Variants in TMEM132B observed in about 807,000 individuals in gnomAD.
TMEM132B encodes the protein transmembrane protein 132B.
A neutral mutation model predicts 90.8 loss-of-function variants in TMEM132B; 18 were observed. That is an observed-to-expected ratio of 0.20 (90% confidence interval 0.14 to 0.29). The LOEUF is 0.29. Among genes scored for constraint, TMEM132B ranks in the 10% least tolerant of loss-of-function variants. The pLI is 1.00. For missense variants in TMEM132B, 1,096 were observed against 1,326.8 expected, an observed-to-expected ratio of 0.83 and a Z score of 2.70; for synonymous variants, 504 against 523.3, an observed-to-expected ratio of 0.96 and a Z score of 0.50.
intron 1 of TMEM132B, among the ~76,000 whole-genome samples, chr12:125,343,593 G>A (rs1412435183): frequency 2.0e-5 from 3 of 152,198 alleles, no homozygotes; most frequent in Admixed American, 6.5e-5. Flanking sequence ...GAATTCTAAC[G>A]TTGACCATGT....
intron 1 of TMEM132B, among the ~76,000 whole-genome samples, chr12:125,211,650 C>T (rs1873321641): frequency 6.6e-6 from 1 of 152,238 alleles, no homozygotes; most frequent in Admixed American, 6.5e-5. Flanking sequence ...GCAGCATGCA[C>T]ATTGCGACCG....
intron 1 of TMEM132B, among the ~76,000 whole-genome samples, chr12:125,309,685 C>A (rs187724400): frequency 6.6e-6 from 1 of 152,152 alleles, no homozygotes; most frequent in African/African-American, 2.4e-5. Context: ...TCTGGCTGAG[C>A]CCTCAAGGAA....
At chr12:125,194,272 G>T in intron 1 of TMEM132B, among the ~76,000 whole-genome samples, 1 of 143,168 alleles carries the variant, frequency 7.0e-6, no homozygotes, top group East Asian at 1.9e-4. Flanking sequence ...ACCCGTTGGT[G>T]GGGGGGTCTT....
chr12:125,281,894 G>A (rs4765241), intron 1 of TMEM132B, among the ~76,000 whole-genome samples: 19,225 of 151,400 alleles, frequency 0.13, 1,338 homozygotes, highest in African/African-American at 0.17. Flanking sequence ...CGGGCGAGGT[G>A]GCAGGCGCCT....
chr12:125,369,839 A>G (rs1311600351), intron 2 of TMEM132B, among the ~76,000 whole-genome samples: 1 of 152,212 alleles, frequency 6.6e-6, no homozygotes, highest in Non-Finnish European at 1.5e-5. Flanking sequence ...ACCTGAGGTC[A>G]GGAGTTCGAG....
intron 5 of TMEM132B, among the ~76,000 whole-genome samples, chr12:125,606,075 T>G (rs898564871): frequency 1.3e-5 from 2 of 152,184 alleles, no homozygotes; most frequent in Non-Finnish European, 2.9e-5. Context: ...TGTCGTATAT[T>G]TTGCTGAAAT....
chr12:125,622,767 A>G (rs565101884), intron 5 of TMEM132B: 11 of 674,990 alleles, frequency 1.6e-5, no homozygotes, highest in Non-Finnish European at 1.8e-5. Context: ...CATCATTTGT[A>G]TTTACTTTTC....
chr12:125,219,975 C>T (rs1208851909), intron 1 of TMEM132B, among the ~76,000 whole-genome samples: 4 of 152,278 alleles, frequency 2.6e-5, no homozygotes, highest in South Asian at 2.1e-4. Flanking sequence ...CAGTATTTGC[C>T]GTAAGTATTT....
intron 1 of TMEM132B, among the ~76,000 whole-genome samples, chr12:125,321,681 C>T (rs326391): frequency 0.74 from 112,124 of 151,806 alleles, 42,553 homozygotes; most frequent in African/African-American, 0.9. Flanking sequence ...TTTCACTATG[C>T]TGGTCAGGCT....
rs747058215 is a variant in TMEM132B, at chr12:125,644,140, T to C, written c.1502T>C (p.Ile501Thr). ...GKEMKSKVDTIVNFTHQHFTS... is the reference protein window; with the variant it reads ...GKEMKSKVDTTVNFTHQHFTS... ...GAAATGAAGAGCAAAGTGGACACGA[T>C]TGTGAACTTCACCCACCAGCACTTC... is the stretch of plus-strand genomic sequence containing the variant. Residue 501 changes from isoleucine (I) to threonine (T), a missense_variant, in exon 6 of 9, where the codon ATT (isoleucine) becomes ACT (threonine). Transcript: ENST00000682704. 1.2e-6 allele frequency: 2 copies of C among 1,614,194 alleles called. No homozygotes were observed. Among genetic ancestry groups the C allele is most frequent in the Non-Finnish European group, 1.7e-6 (2 of 1,180,036 alleles).
chr12:125,491,872 C>T lies in TMEM132B; in HGVS notation c.1107-27567C>T, dbSNP rs375445601. Among the ~76,000 whole-genome samples the T allele has an allele frequency of 1.7e-3, 262 of 152,278 alleles. 2 individuals carry two copies. Among genetic ancestry groups the T allele is most frequent in the African/African-American group, 6.1e-3 (254 of 41,548 alleles). On this transcript the variant is annotated intron_variant, in intron 3 of 8. Transcript: ENST00000682704. ...ATTTCTTTTGTGCTTTTACCTGAGG[C>T]CACTTTGGATGAAATAAACACAATA...
intron 1 of TMEM132B, among the ~76,000 whole-genome samples, chr12:125,211,091 A>C (rs559062162): frequency 7.4e-4 from 113 of 151,700 alleles, no homozygotes; most frequent in African/African-American, 2.6e-3. Context: ...TGTGAAAACA[A>C]GGGGATTATT....
In TMEM132B at chr12:125,544,415, T is replaced by C. The variant is rs569751502; in HGVS notation, c.1293+24790T>C. On this transcript the variant is annotated intron_variant, in intron 4 of 8. Transcript: ENST00000682704. Reference sequence around the variant, plus strand: ...GGAATAATCACTGCGTCCAGGGAGATGAAAGAGGTTTATTAGGTGGCCTGG... The same window carrying C: ...GGAATAATCACTGCGTCCAGGGAGACGAAAGAGGTTTATTAGGTGGCCTGG... Among the ~76,000 whole-genome samples the C allele has an allele frequency of 3.9e-5, 6 of 152,284 alleles. No homozygotes were observed. In the South Asian group the frequency reaches 1.2e-3, roughly 32 times the overall value.
chr12:125,583,330 G>A (rs967453379), intron 4 of TMEM132B, among the ~76,000 whole-genome samples: 6 of 152,160 alleles, frequency 3.9e-5, no homozygotes, highest in African/African-American at 1.2e-4. Flanking sequence ...AGGTGTCGGG[G>A]AGGTGGGGTG....
In TMEM132B at chr12:125,655,039, T is replaced by G; in HGVS notation, c.*329T>G. The G allele has an allele frequency of 4.2e-6, 1 of 237,006 alleles. No individual in the cohort carries two copies. The highest frequency in any genetic ancestry group is 8.2e-6 in the Non-Finnish European group (1 of 121,880). 14.7% of individuals were successfully genotyped at this position (237,006 alleles called of 1,614,324 possible). On this transcript the variant is annotated 3_prime_UTR_variant, in exon 9 of 9. Coordinates refer to ENST00000682704, the MANE Select transcript of TMEM132B (RefSeq NM_001366854.1). ...CTCGTGACAAATGGCCATGTGGAAT[T>G]AGAAAAGATTTGGGTGTTGATTTTT...
chr12:125,260,475 A>G (rs1471570474), intron 1 of TMEM132B, among the ~76,000 whole-genome samples: 1 of 150,520 alleles, frequency 6.6e-6, no homozygotes, highest in Non-Finnish European at 1.5e-5. Context: ...CCTCAGCCTT[A>G]CAAGTAGCTG....
chr12:125,567,707 A>G (rs976713769), intron 4 of TMEM132B, among the ~76,000 whole-genome samples: 28 of 152,206 alleles, frequency 1.8e-4, no homozygotes, highest in Non-Finnish European at 1.0e-4. Context: ...TTAACTGAAC[A>G]GGTGCCATTT....
intron 1 of TMEM132B, among the ~76,000 whole-genome samples, chr12:125,212,639 A>G (rs1224968760): frequency 6.6e-6 from 1 of 152,124 alleles, no homozygotes; most frequent in East Asian, 1.9e-4. Context: ...GGTTGCAGTG[A>G]GCCGAGATTG....
intron 1 of TMEM132B, among the ~76,000 whole-genome samples, chr12:125,270,146 G>GTGTGTGTC (rs1555235082): frequency 6.7e-6 from 1 of 149,702 alleles, no homozygotes; most frequent in Non-Finnish European, 1.5e-5. Flanking sequence ...GTGTGTGTGT[G>GTGTGTGTC]TGTTTTAAGA....
Sources: gnomAD v4.1 joint callset for allele counts (sites outside exome capture counted in the v4.1 genomes callset) on GRCh38, gnomAD v4.1.1 for gene constraint, MANE v1.5 for transcripts, NCBI Gene and HGNC (gene_info 2026-07-23, HGNC 2026-07-21) for gene names.